NCOA2: variants seen among roughly 807,000 people sequenced by gnomAD.
NCOA2 encodes the protein class E basic helix-loop-helix protein 75.
NCOA2 carries 21 observed loss-of-function variants against 145.1 expected under a neutral mutation model. That is an observed-to-expected ratio of 0.14 (90% CI 0.10 to 0.21). The LOEUF is 0.21. NCOA2 is among the 10% of genes least tolerant of loss of function. The pLI is 1.00. For synonymous variants in NCOA2, 619 were observed against 637.5 expected, an observed-to-expected ratio of 0.97 and a Z score of 0.44; for missense variants, 1,472 against 1,837.6, an observed-to-expected ratio of 0.80 and a Z score of 3.64.
intron 1 of NCOA2, among the ~76,000 whole-genome samples, chr8:70,383,724 C>CA (rs1812417223): frequency 6.6e-6 from 1 of 152,168 alleles, no homozygotes; most frequent in African/African-American, 2.4e-5. Flanking sequence ...AAGCTGGTCT[C>CA]AAACTCCTGA....
chr8:70,242,110 A>G (rs1463703657), intron 2 of NCOA2, among the ~76,000 whole-genome samples: 1 of 152,192 alleles, frequency 6.6e-6, no homozygotes, highest in Non-Finnish European at 1.5e-5. Context: ...GAAACAAAAC[A>G]GGTAACTTAA....
intron 22 of NCOA2, among the ~76,000 whole-genome samples, chr8:70,114,241 G>C (rs1420010665): frequency 6.6e-6 from 1 of 152,114 alleles, no homozygotes; most frequent in African/African-American, 2.4e-5. Context: ...GGCCAGGTTG[G>C]TCTCAAACTC....
chr8:70,173,865 T>C (rs1814527428), intron 5 of NCOA2, among the ~76,000 whole-genome samples: 1 of 151,294 alleles, frequency 6.6e-6, no homozygotes, highest in South Asian at 2.1e-4. Flanking sequence ...AAAAAAGAGA[T>C]AAGGGGGACT....
At chr8:70,144,532 T>C (rs188908669) in intron 13 of NCOA2, 110 bp downstream of exon 13, 9 of 880,682 alleles carry the variant, frequency 1.0e-5, no homozygotes, top group Admixed American at 9.6e-5. Flanking sequence ...TCAGATGTTA[T>C]TTTCTAACAT....
the NCOA2 span, among the ~76,000 whole-genome samples, chr8:70,453,933 A>G: frequency 6.6e-6 from 1 of 152,230 alleles, no homozygotes; most frequent in South Asian, 2.1e-4. Context: ...AATAAGCGCT[A>G]TGAGTTTAGG....
intron 4 of NCOA2, among the ~76,000 whole-genome samples, chr8:70,184,278 G>A (rs548930561): frequency 6.6e-6 from 1 of 152,244 alleles, no homozygotes; most frequent in African/African-American, 2.4e-5. Context: ...TCTCATCTAG[G>A]AAGTTACAAC....
the NCOA2 span, among the ~76,000 whole-genome samples, chr8:70,427,737 C>G: frequency 1.3e-5 from 2 of 152,198 alleles, no homozygotes; most frequent in East Asian, 1.9e-4. Context: ...GAAAGTTGGC[C>G]GTAGGAGGAA....
chr8:70,159,242 A>ATTT (rs763150293), intron 10 of NCOA2, among the ~76,000 whole-genome samples: 5 of 61,072 alleles, frequency 8.2e-5, no homozygotes, highest in Admixed American at 3.6e-4. Context: ...ATATATATAT[A>ATTT]TTTTTTTTTT....
Position 70,131,991 on chromosome 8 carries a change from C to A in NCOA2, c.3170G>T (p.Gly1057Val). ...SFASQNRQPFGSSPDDLLCPH... is the reference protein window; with the variant it reads ...SFASQNRQPFVSSPDDLLCPH... ...ACATAGCAAGTCATCTGGAGAACTG[C>A]CAAATGGCTGCCTGTAAAGACAGAA... The change falls in exon 16 of 23, where the codon GGC becomes GTC. Residue 1057 changes from glycine to valine, a missense_variant. Transcript: ENST00000452400. 6.2e-7 allele frequency: 1 copy of A among 1,612,064 alleles called. No individual in the cohort carries two copies. The highest frequency in any genetic ancestry group is 1.1e-5 in the South Asian group (1 of 90,434).
intron 1 of NCOA2, among the ~76,000 whole-genome samples, chr8:70,390,482 T>C (rs978170515): frequency 3.3e-5 from 5 of 152,116 alleles, no homozygotes; most frequent in Non-Finnish European, 5.9e-5. Context: ...AATATAATTA[T>C]GAGGCCAGGC....
At chr8:70,192,691 C>T (rs1450430816) in intron 4 of NCOA2, among the ~76,000 whole-genome samples, 8 of 152,216 alleles carry the variant, frequency 5.3e-5, no homozygotes, top group African/African-American at 1.9e-4. Context: ...ATCAATTAGC[C>T]TCTATAGTAT....
At chr8:70,265,808 G>GT (rs1375161848) in intron 2 of NCOA2, among the ~76,000 whole-genome samples, 2 of 146,132 alleles carry the variant, frequency 1.4e-5, no homozygotes, top group East Asian at 2.0e-4. Context: ...AGAAACTTCA[G>GT]TTTTTTGTTG....
At chr8:70,327,594 T>A (rs1210309233) in intron 1 of NCOA2, among the ~76,000 whole-genome samples, 1 of 152,118 alleles carries the variant, frequency 6.6e-6, no homozygotes, top group Admixed American at 6.5e-5. Flanking sequence ...GTCAACCAGT[T>A]AAAGTACAAG....
chr8:70,294,510 A>T (rs1826935688), intron 2 of NCOA2, among the ~76,000 whole-genome samples: 1 of 152,232 alleles, frequency 6.6e-6, no homozygotes, highest in Non-Finnish European at 1.5e-5. Flanking sequence ...TAGTTTAGGT[A>T]ATCATTACAT....
chr8:70,376,599 TAGA>T (rs1811690784), intron 1 of NCOA2, among the ~76,000 whole-genome samples: 1 of 152,000 alleles, frequency 6.6e-6, no homozygotes, highest in Non-Finnish European at 1.5e-5. Context: ...TTTAACATCT[TAGA>T]ATTCTGTTAG....
intron 1 of NCOA2, among the ~76,000 whole-genome samples, chr8:70,322,350 T>A (rs1181176415): frequency 6.6e-6 from 1 of 152,192 alleles, no homozygotes; most frequent in African/African-American, 2.4e-5. Flanking sequence ...TTTACTGATA[T>A]TTCAGATAAA....
At chr8:70,359,489 T>C (rs1347027974) in intron 1 of NCOA2, among the ~76,000 whole-genome samples, 1 of 152,170 alleles carries the variant, frequency 6.6e-6, no homozygotes, top group African/African-American at 2.4e-5. Flanking sequence ...TGATACTATT[T>C]ATATGAAATA....
the NCOA2 span, among the ~76,000 whole-genome samples, chr8:70,414,569 C>A: frequency 6.6e-6 from 1 of 152,138 alleles, no homozygotes; most frequent in Non-Finnish European, 1.5e-5. Context: ...AGTCCCTATC[C>A]AAGTGCAGCA....
intron 4 of NCOA2, among the ~76,000 whole-genome samples, chr8:70,189,549 T>C (rs1280340202): frequency 1.3e-5 from 2 of 152,218 alleles, no homozygotes; most frequent in African/African-American, 4.8e-5. Flanking sequence ...TCAAGTGGGC[T>C]GAACAGGCTG....
Sources: allele counts gnomAD v4.1 joint callset (sites outside exome capture counted in the v4.1 genomes callset), GRCh38; gene constraint gnomAD v4.1.1; transcripts MANE v1.5; gene names NCBI Gene and HGNC (gene_info 2026-07-23, HGNC 2026-07-21).